The following SLC30A7 variants were observed in gnomAD, a reference collection of about 807,000 sequenced individuals.
The protein encoded by SLC30A7 is solute carrier family 30 member 7, also known as zinc transporter 7.
A neutral mutation model predicts 46.0 loss-of-function variants in SLC30A7; 35 were observed. The ratio of observed to expected loss-of-function variants is 0.76; its 90% CI spans 0.58 to 1.01. SLC30A7 has a LOEUF of 1.01. Among genes scored for constraint, SLC30A7 ranks in the 50% least tolerant of loss-of-function variants. The probability of loss-of-function intolerance (pLI) is 0.00; values close to 1 mark genes in which losing one functional copy is unlikely to be tolerated. For missense variants in SLC30A7, 464 were observed against 451.1 expected (o/e 1.03, Z -0.26); for synonymous variants, 147 against 157.8 (o/e 0.93, Z 0.51).
chr1:100,939,102 A>G (rs1214248422), intron 8 of SLC30A7, among the ~76,000 whole-genome samples: 1 of 152,210 alleles, frequency 6.6e-6, no homozygotes, highest in African/African-American at 2.4e-5. Flanking sequence ...AAGGTGTAAC[A>G]CTAGAGGCAT....
intron 2 of SLC30A7, among the ~76,000 whole-genome samples, chr1:100,898,807 T>C (rs1282494644): frequency 6.6e-6 from 1 of 152,226 alleles, no homozygotes; most frequent in African/African-American, 2.4e-5. Flanking sequence ...AGTTCCTTGA[T>C]TAAATTTCTT....
chr1:100,962,008 A>G (rs369961134), intron 9 of SLC30A7, 90 bp downstream of exon 9: 1 of 665,870 alleles, frequency 1.5e-6, no homozygotes. Flanking sequence ...ACATGTGTGT[A>G]TAATTGACTG....
the SLC30A7 span, among the ~76,000 whole-genome samples, chr1:100,988,229 C>T: frequency 2.0e-5 from 3 of 152,178 alleles, no homozygotes; most frequent in African/African-American, 7.2e-5. Flanking sequence ...TCCATCCTAA[C>T]ACCTCAAGCC....
rs779192416 is a variant in SLC30A7, at chr1:100,896,594, C to T, written c.105C>T (p.Ser35=). ...WFRSILSDKT[S]RNLFFFLCLN... ...GGTCTATACTGTCCGACAAGACTTC[C>T]CGGAACCTGTTTTTCTTCCTGTGCC... is the stretch of plus-strand genomic sequence containing the variant. The change falls in exon 2 of 11, where the codon TCC becomes TCT. Residue 35 remains serine, a synonymous_variant. Transcript: ENST00000357650. 2 of 1,614,166 alleles carry T rather than the reference C, an allele frequency of 1.2e-6. No individual in the cohort carries two copies. Among genetic ancestry groups the T allele is most frequent in the Admixed American group, 1.7e-5 (1 of 60,020 alleles).
chr1:100,956,092 A>G (rs1245355607), intron 8 of SLC30A7, among the ~76,000 whole-genome samples: 1 of 152,104 alleles, frequency 6.6e-6, no homozygotes, highest in African/African-American at 2.4e-5. Flanking sequence ...AATTGATCCT[A>G]ATGAAAAAAA....
At position 100,912,187 on chromosome 1, in the gene SLC30A7, A is replaced by G. The variant is rs1441158116; in HGVS notation, c.460A>G (p.Ile154Val). 2.5e-6 allele frequency: 4 copies of G among 1,613,962 alleles called. No homozygotes were observed. In the Admixed American group the frequency reaches 5.0e-5, roughly 20 times the overall value. ...VSILGFVVNLIGIFVFKHGGH... is the reference protein window; with the variant it reads ...VSILGFVVNLVGIFVFKHGGH... ...CATTCTTGGGTTTGTGGTAAACCTA[A>G]TAGGAATATTTGTTTTCAAACATGG... Residue 154 changes from isoleucine (I) to valine (V), a missense_variant, in exon 5 of 11, where the codon ATA (isoleucine) becomes GTA (valine). Physicochemically the swap from Ile to Val is conservative, Grantham distance 29. Transcript: ENST00000357650.
Position 100,975,651 on chromosome 1 carries a change from C to G in SLC30A7, c.*794C>G, listed in dbSNP as rs12048780. Reference sequence around the variant, plus strand: ...CAAGCTATTCTCCTGCCTCAGCCTTCTGAGTAGCTGCGACTATGGGCGTGT... The same window carrying G: ...CAAGCTATTCTCCTGCCTCAGCCTTGTGAGTAGCTGCGACTATGGGCGTGT... On this transcript the variant is annotated 3_prime_UTR_variant, in exon 11 of 11. Transcript: ENST00000357650. 6.6e-6 allele frequency: 1 copy of G among 152,412 alleles called. No individual in the cohort carries two copies. Among genetic ancestry groups the G allele is most frequent in the Admixed American group, 6.5e-5 (1 of 15,280 alleles). 9.4% of individuals were successfully genotyped at this position (152,412 alleles called of 1,614,324 possible). A position where few individuals can be genotyped will look rare whatever the true frequency, so the allele number is the denominator to read the frequency against.
At chr1:100,914,446 A>G (rs530694156) in intron 6 of SLC30A7, among the ~76,000 whole-genome samples, 1 of 152,242 alleles carries the variant, frequency 6.6e-6, no homozygotes, top group African/African-American at 2.4e-5. Flanking sequence ...CTTTTGTGCT[A>G]TATTGGCTTA....
At chr1:100,900,241 C>G (rs1262680559) in intron 2 of SLC30A7, among the ~76,000 whole-genome samples, 3 of 152,142 alleles carry the variant, frequency 2.0e-5, no homozygotes, top group African/African-American at 7.2e-5. Flanking sequence ...AGTAGTATTT[C>G]TTACCAAAGC....
downstream of SLC30A7, among the ~76,000 whole-genome samples, chr1:100,982,812 C>T (rs1570619479): frequency 6.6e-6 from 1 of 152,112 alleles, no homozygotes; most frequent in Admixed American, 6.5e-5. Context: ...TCCTGAATGC[C>T]GGGAGCTGGC....
intron 8 of SLC30A7, among the ~76,000 whole-genome samples, chr1:100,954,462 T>A (rs980460414): frequency 2.6e-5 from 4 of 152,152 alleles, no homozygotes; most frequent in Non-Finnish European, 5.9e-5. Context: ...ACAATGACAT[T>A]ACTAATTATT....
intron 10 of SLC30A7, among the ~76,000 whole-genome samples, chr1:100,970,226 G>T (rs1295289508): frequency 6.6e-6 from 1 of 151,830 alleles, no homozygotes; most frequent in Non-Finnish European, 1.5e-5. Flanking sequence ...CTTTCTTATA[G>T]CCAGTCTTAA....
chr1:100,987,140 C>T, the SLC30A7 span, among the ~76,000 whole-genome samples: 7 of 152,222 alleles, frequency 4.6e-5, no homozygotes, highest in Non-Finnish European at 1.0e-4. Context: ...AGGTTCCCTA[C>T]TACCACCCTT....
chr1:100,951,364 A>G (rs1654943111), intron 8 of SLC30A7, among the ~76,000 whole-genome samples: 1 of 152,212 alleles, frequency 6.6e-6, no homozygotes, highest in South Asian at 2.1e-4. Flanking sequence ...GAAAAATGCT[A>G]ATCAGAAAAA....
chr1:100,906,889 G>T lies in SLC30A7; in HGVS notation c.220G>T (p.Asp74Tyr), dbSNP rs747656384. Residue 74 changes from aspartate to tyrosine, a missense_variant, in exon 3 of 11, where the codon GAT (aspartate) becomes TAT (tyrosine). Transcript: ENST00000357650. Reference protein sequence around the residue: ...LISDSFHMFFDSTAILAGLAA... With the variant: ...LISDSFHMFFYSTAILAGLAA... Reference sequence around the variant, plus strand: ...TTCCGACTCTTTTCACATGTTTTTCGATAGCACTGCCATTTTGGCTGGACT... The same window carrying T: ...TTCCGACTCTTTTCACATGTTTTTCTATAGCACTGCCATTTTGGCTGGACT... The T allele has an allele frequency of 1.2e-6, 2 of 1,613,178 alleles. No individual in the cohort carries two copies. The highest frequency in any genetic ancestry group is 8.5e-7 in the Non-Finnish European group (1 of 1,179,482).
At chr1:100,910,524 T>G (rs2101015392) in intron 3 of SLC30A7, among the ~76,000 whole-genome samples, 1 of 152,262 alleles carries the variant, frequency 6.6e-6, no homozygotes, top group East Asian at 1.9e-4. Context: ...GTTAGAAATA[T>G]AAATCTCAAG....
rs976617049 is a variant in SLC30A7, at chr1:100,896,101, A to T, written c.-162A>T. The stretch of plus-strand genomic sequence containing the variant: ...GCGCGGCCCGGGCCGGAAGTAAGCG[A>T]ATTCCCGGGTGTGTGTCTGTGTCTG... On this transcript the variant is annotated 5_prime_UTR_variant, in exon 1 of 11. Transcript: ENST00000357650. 2.5e-5 allele frequency: 16 copies of T among 651,496 alleles called. No homozygotes were observed. The Admixed American group carries it at 2.7e-4, about 11-fold the overall frequency. 40.4% of individuals were successfully genotyped at this position (651,496 alleles called of 1,614,324 possible). A position where few individuals can be genotyped will look rare whatever the true frequency, so the allele number is the denominator to read the frequency against.
rs761025573 is a variant in SLC30A7, at chr1:100,896,286, C to T, written c.24C>T (p.Asp8=). 4.3e-6 allele frequency: 7 copies of T among 1,614,082 alleles called. No homozygotes were observed. The South Asian group carries it at 7.7e-5, about 18-fold the overall frequency. Reference sequence around the variant, plus strand: ...AGATGTTGCCCCTGTCCATCAAAGACGATGAATACAAACCACCCAAGTTCA... The same window carrying T: ...AGATGTTGCCCCTGTCCATCAAAGATGATGAATACAAACCACCCAAGTTCA... The part of the protein sequence containing the change: MLPLSIK[D]DEYKPPKFNL... The change falls in exon 1 of 11, where the codon GAC becomes GAT. Residue 8 remains aspartate, a synonymous_variant. Transcript: ENST00000357650.
downstream of SLC30A7, among the ~76,000 whole-genome samples, chr1:100,982,077 A>G (rs1253548420): frequency 2.0e-5 from 3 of 152,230 alleles, no homozygotes; most frequent in Non-Finnish European, 4.4e-5. Flanking sequence ...TATGACGTGA[A>G]GACCAAAACA....
Sources: allele counts gnomAD v4.1 joint callset (sites outside exome capture counted in the v4.1 genomes callset), GRCh38; gene constraint gnomAD v4.1.1; transcripts MANE v1.5; gene names NCBI Gene and HGNC (gene_info 2026-07-23, HGNC 2026-07-21).